Variants in LRRK2 observed in about 807,000 individuals in gnomAD.
LRRK2 encodes the protein leucine rich repeat kinase 2, also known as leucine-rich repeat serine/threonine-protein kinase 2.
Under a neutral mutation model 302.6 loss-of-function variants are expected in LRRK2, and 203 were observed. That is an observed-to-expected ratio of 0.67 (90% CI 0.60 to 0.75). The LOEUF (loss-of-function observed/expected upper bound fraction) is 0.75. LRRK2 is among the 30% of genes least tolerant of loss of function. LRRK2 has a pLI of 0.00. For synonymous variants in LRRK2, 1,066 were observed against 1,031.9 expected, an observed-to-expected ratio of 1.03 and a Z score of -0.63; for missense variants, 2,830 against 2,951.0, an observed-to-expected ratio of 0.96 and a Z score of 0.95.
intron 11 of LRRK2, 24 bp downstream of exon 11, chr12:40,253,040 A>G (rs199927398): frequency 1.4e-6 from 2 of 1,432,708 alleles, no homozygotes; most frequent in Non-Finnish European, 2.0e-6. Context: ...CATGTTTTCA[A>G]ATAAAGGGAA....
Position 40,262,846 on chromosome 12 carries a change from C to T in LRRK2, c.1544-943C>T, listed in dbSNP as rs73276896. Among the ~76,000 whole-genome samples the T allele has an allele frequency of 7.6e-3, 1,161 of 152,254 alleles. 20 individuals carry two copies. The highest frequency in any genetic ancestry group is 0.026 in the African/African-American group (1,066 of 41,554). ...GTGGTCTTGCTCACTGGAAATGATA[C>T]ACAGACAGTTTAAGGGACTTGCCCC... On this transcript the variant is annotated intron_variant, in intron 13 of 50. Coordinates refer to ENST00000298910, the MANE Select transcript of LRRK2 (RefSeq NM_198578.4).
rs1942893718 is a variant in LRRK2 at position 40,264,006 on chromosome 12, A to G, written c.1656+105A>G. The G allele has an allele frequency of 5.1e-6, 4 of 784,888 alleles. No individual in the cohort carries two copies. The Admixed American group carries it at 6.3e-5, about 12-fold the overall frequency. The allele number at this position is 784,888 out of a possible 1,614,324, so 48.6% of individuals were successfully genotyped here. A position where few individuals can be genotyped will look rare whatever the true frequency, so the allele number is the denominator to read the frequency against. ...CTAAGTTTTCTGTTCTCCGTTTGCT[A>G]TGATAGGAGGAAGTCATGTGGTTAG... is the stretch of plus-strand genomic sequence containing the variant. On this transcript the variant is annotated intron_variant, in intron 14 of 50. Transcript: ENST00000298910.
Position 40,356,206 on chromosome 12 carries a change from C to T in LRRK2, c.6843+19C>T. ...TGTTAAGGTAAATGTTGAATGCATT[C>T]TACATCTAAATTTATTTTAAGTCTT... On this transcript the variant is annotated intron_variant, in intron 46 of 50. Coordinates refer to ENST00000298910, the MANE Select transcript of LRRK2 (RefSeq NM_198578.4). 6.4e-7 allele frequency: 1 copy of T among 1,560,484 alleles called. No individual in the cohort carries two copies.
At chr12:40,291,383 C>T (rs1027460143) in intron 20 of LRRK2, among the ~76,000 whole-genome samples, 2 of 151,162 alleles carry the variant, frequency 1.3e-5, no homozygotes, top group Non-Finnish European at 2.9e-5. Context: ...ACATATGTAA[C>T]AAACCTGCAT....
chr12:40,332,856 T>C (rs950884574), intron 39 of LRRK2, among the ~76,000 whole-genome samples: 1 of 151,050 alleles, frequency 6.6e-6, no homozygotes, highest in Admixed American at 6.6e-5. Context: ...ATTAGTACAT[T>C]AAAAATGTCT....
rs1592221016 is a variant in LRRK2 at position 40,284,088 on chromosome 12, G to A, written c.2455G>A (p.Gly819Ser). 6.2e-7 allele frequency: 1 copy of A among 1,612,460 alleles called. No homozygotes were observed. Among genetic ancestry groups the A allele is most frequent in the Non-Finnish European group, 8.5e-7 (1 of 1,178,998 alleles). ...CIGKVEPSWL[G>S]PLFPDKTSNL... ...AGGAAAAGTTGAACCTTCTTGGCTTGGTCCTTTATTTCCAGATAAGACTTC... is the reference window on the plus strand; with the variant it reads ...AGGAAAAGTTGAACCTTCTTGGCTTAGTCCTTTATTTCCAGATAAGACTTC... The change falls in exon 19 of 51, where the codon GGT (glycine) becomes AGT (serine). Residue 819 changes from glycine to serine, a missense_variant. Gly to Ser is a moderately conservative substitution (Grantham distance 56, BLOSUM62 0). Around this residue, in one of 3 missense-constraint regions of LRRK2, gnomAD observed 2,121 missense variants for 2,148.0 expected, o/e 0.99. Transcript: ENST00000298910.
Position 40,240,540 on chromosome 12 carries a change from G to C in LRRK2, c.629G>C (p.Ser210Thr), listed in dbSNP as rs1396224071. ...AACAAAGATTATATGATATTGTTAA[G>C]TGCGTTAACAAATTTTAAAGATGAA... ...VENKDYMILL[S>T]ALTNFKDEEE... Residue 210 changes from serine to threonine, a missense_variant, in exon 6 of 51, where the codon AGT (serine) becomes ACT (threonine). Physicochemically the swap from Ser to Thr is moderately conservative, Grantham distance 58. Transcript: ENST00000298910. 2 of 1,612,476 alleles carry C rather than the reference G, an allele frequency of 1.2e-6. No individual in the cohort carries two copies. The highest frequency in any genetic ancestry group is 1.7e-6 in the Non-Finnish European group (2 of 1,178,808).
chr12:40,267,407 G>C (rs966039649), intron 14 of LRRK2, among the ~76,000 whole-genome samples: 4 of 152,148 alleles, frequency 2.6e-5, no homozygotes, highest in African/African-American at 4.8e-5. Context: ...GTAGAGGAGG[G>C]AACAGTTAAG....
rs558194512 is a variant in LRRK2 at position 40,252,087 on chromosome 12, A to C, written c.1181+543A>C. ...CATCATAAGACCGGCACTCTCTCCC[A>C]AAGATACAAGCTGTAGCAAGGAGTT... On this transcript the variant is annotated intron_variant, in intron 10 of 50. Transcript: ENST00000298910. 2.0e-5 allele frequency among the ~76,000 whole-genome samples: 3 copies of C among 152,316 alleles called. No homozygotes were observed. In the East Asian group the frequency reaches 5.8e-4, roughly 29 times the overall value.
In LRRK2 at chr12:40,241,612, G is replaced by A. The variant is rs112186293; in HGVS notation, c.706+995G>A. Among the ~76,000 whole-genome samples the A allele has an allele frequency of 1.2e-4, 18 of 152,198 alleles. 2 individuals carry two copies. Among genetic ancestry groups the A allele is most frequent in the African/African-American group, 4.3e-4 (18 of 41,528 alleles). On this transcript the variant is annotated intron_variant, in intron 6 of 50. Coordinates refer to ENST00000298910, the MANE Select transcript of LRRK2 (RefSeq NM_198578.4). ...CATCCTCACACATGTGAAGTTTTGA[G>A]GATTAGAGTTAAACAATGTACCTGG...
At chr12:40,244,931 A>C (rs1402441047) in intron 7 of LRRK2, among the ~76,000 whole-genome samples, 1 of 151,448 alleles carries the variant, frequency 6.6e-6, no homozygotes, top group African/African-American at 2.4e-5. Context: ...AGGTTGACTG[A>C]GCAAGGGTCA....
intron 37 of LRRK2, among the ~76,000 whole-genome samples, chr12:40,322,759 G>A (rs535527998): frequency 1.1e-4 from 16 of 152,098 alleles, no homozygotes; most frequent in Admixed American, 7.2e-4. Context: ...CTGTGAAACC[G>A]GAATACCAAC....
At chr12:40,245,577 C>G (rs1287461910) in intron 7 of LRRK2, among the ~76,000 whole-genome samples, 2 of 152,134 alleles carry the variant, frequency 1.3e-5, no homozygotes, top group East Asian at 3.9e-4. Context: ...TTGTCCAGTT[C>G]CTTGGAAAAC....
intron 4 of LRRK2, 148 bp from the exon 5 acceptor site, chr12:40,237,821 A>C (rs1018320314): frequency 1.3e-6 from 1 of 758,202 alleles, no homozygotes; most frequent in Admixed American, 2.7e-5. Context: ...TAAGTAGTTT[A>C]TCAACAAACA....
intron 40 of LRRK2, among the ~76,000 whole-genome samples, chr12:40,339,394 A>G (rs1945968699): frequency 1.3e-5 from 2 of 152,358 alleles, no homozygotes; most frequent in Admixed American, 6.5e-5. Context: ...TGATAATAAC[A>G]TTAGTAGCTG....
chr12:40,347,889 G>A (rs893474641), intron 42 of LRRK2, among the ~76,000 whole-genome samples: 1 of 151,988 alleles, frequency 6.6e-6, no homozygotes, highest in South Asian at 2.1e-4. Flanking sequence ...CTTGAACCTG[G>A]GAGGTTGCAG....
At chr12:40,238,161 G>A (rs902967650) in intron 5 of LRRK2, 58 bp downstream of exon 5, 5 of 1,508,228 alleles carry the variant, frequency 3.3e-6, no homozygotes, top group Non-Finnish European at 4.5e-6. Context: ...CTTATACTGG[G>A]AAAAGTAGAA....
intron 33 of LRRK2, among the ~76,000 whole-genome samples, chr12:40,319,573 C>CA (rs1196327976): frequency 6.6e-6 from 1 of 152,064 alleles, no homozygotes; most frequent in Non-Finnish European, 1.5e-5. Context: ...AAGTCCTCTC[C>CA]TAGTATATAA....
chr12:40,314,629 C>A (rs1464109754), intron 32 of LRRK2, among the ~76,000 whole-genome samples: 2 of 152,036 alleles, frequency 1.3e-5, no homozygotes, highest in East Asian at 3.9e-4. Context: ...AGTGGAAGAT[C>A]TAGCTCTCTT....
Sources: gnomAD v4.1 joint callset for allele counts (sites outside exome capture counted in the v4.1 genomes callset) on GRCh38, gnomAD v4.1.1 for gene constraint, gnomAD v4.1.1 regional missense constraint, MANE v1.5 for transcripts, NCBI Gene and HGNC (gene_info 2026-07-23, HGNC 2026-07-21) for gene names.